The following ZCCHC24 variants were observed in gnomAD, a reference collection of about 807,000 sequenced individuals.
ZCCHC24 encodes zinc finger CCHC domain-containing protein 24.
A neutral mutation model predicts 26.2 loss-of-function variants in ZCCHC24; 10 were observed. The ratio of observed to expected loss-of-function variants is 0.38; its 90% confidence interval spans 0.24 to 0.65. The LOEUF is 0.65. ZCCHC24 is among the 30% of genes least tolerant of loss of function. The probability of loss-of-function intolerance (pLI) is 0.54; values close to 1 mark genes in which losing one functional copy is unlikely to be tolerated. For synonymous variants in ZCCHC24, 144 were observed against 147.1 expected (o/e 0.98, Z 0.15); for missense variants, 243 against 329.1 (o/e 0.74, Z 2.03).
chr10:79,389,560 G>GTGTGTGTGTC (rs946133340), intron 3 of ZCCHC24, among the ~76,000 whole-genome samples: 2 of 151,790 alleles, frequency 1.3e-5, no homozygotes, highest in East Asian at 1.9e-4. Context: ...GTGTGTGTGT[G>GTGTGTGTGTC]TGTGTGTCTG....
At chr10:79,423,607 A>ATATATATATATATATATT (rs1856984665) in intron 2 of ZCCHC24, among the ~76,000 whole-genome samples, 4 of 140,382 alleles carry the variant, frequency 2.8e-5, no homozygotes, top group African/African-American at 1.1e-4. Flanking sequence ...ATATATATAT[A>ATATATATATATATATATT]TATTTTCTGA....
chr10:79,408,469 A>G (rs141486882), intron 2 of ZCCHC24, among the ~76,000 whole-genome samples: 1 of 152,294 alleles, frequency 6.6e-6, no homozygotes, highest in Non-Finnish European at 1.5e-5. Context: ...AGCACCAATC[A>G]CCACGTGCAT....
intron 1 of ZCCHC24, 60 bp from the exon 2 acceptor site, chr10:79,432,818 C>T: frequency 6.5e-7 from 1 of 1,544,204 alleles, no homozygotes; most frequent in African/African-American, 1.4e-5. Context: ...TCCATAACCC[C>T]CCACCCAAAC....
At position 79,417,354 on chromosome 10, in the gene ZCCHC24, C is replaced by G. The variant is rs569686983; in HGVS notation, c.447+15204G>C. Among the ~76,000 whole-genome samples the G allele has an allele frequency of 2.5e-5, 2 of 79,276 alleles. 1 individual carries two copies. Among genetic ancestry groups the G allele is most frequent in the African/African-American group, 7.0e-5 (2 of 28,392 alleles). 52.0% of individuals were successfully genotyped at this position (79,276 alleles called of 152,430 possible). A position where few individuals can be genotyped will look rare whatever the true frequency, so the allele number is the denominator to read the frequency against. On this transcript the variant is annotated intron_variant, in intron 2 of 3. Transcript: ENST00000372336. The stretch of plus-strand genomic sequence containing the variant: ...ATCACCCCAACCTGTCAGGGAGAGA[C>G]CTGTGGCTCCCACACAGCCAGGGAA...
rs537216431 is a variant in ZCCHC24, at chr10:79,388,119, T to C, written c.613-1661A>G. Among the ~76,000 whole-genome samples, 5 of 152,332 alleles carry C rather than the reference T, an allele frequency of 3.3e-5. No individual in the cohort carries two copies. The East Asian group carries it at 9.6e-4, about 29-fold the overall frequency. Reference sequence around the variant, plus strand: ...GACCTTGGGCAGGCCACCTGTCCCCTCTGGTCTCCATGCTCCCATCTGTGA... The same window carrying C: ...GACCTTGGGCAGGCCACCTGTCCCCCCTGGTCTCCATGCTCCCATCTGTGA... On this transcript the variant is annotated intron_variant, in intron 3 of 3. Transcript: ENST00000372336.
Position 79,402,465 on chromosome 10 carries a change from C to A in ZCCHC24, c.448-8025G>T, listed in dbSNP as rs186374567. 1.8e-4 allele frequency among the ~76,000 whole-genome samples: 28 copies of A among 152,144 alleles called. No homozygotes were observed. The East Asian group carries it at 5.0e-3, about 27-fold the overall frequency. On this transcript the variant is annotated intron_variant, in intron 2 of 3. Coordinates refer to ENST00000372336, the MANE Select transcript of ZCCHC24 (RefSeq NM_153367.4). ...TAATTTTTTGTATTTTTAGTAGAGA[C>A]GGGGTTTCACTGTGTTAGCCAGGAT...
intron 2 of ZCCHC24, 126 bp from the exon 3 acceptor site, chr10:79,394,566 C>A: frequency 6.8e-7 from 1 of 1,464,758 alleles, no homozygotes; most frequent in East Asian, 2.4e-5. Context: ...CCTTTTGTCC[C>A]CAGTCTAGAT....
At chr10:79,441,507 A>C (rs1445315451) in intron 1 of ZCCHC24, among the ~76,000 whole-genome samples, 1 of 152,052 alleles carries the variant, frequency 6.6e-6, no homozygotes, top group Non-Finnish European at 1.5e-5. Context: ...TAAAGGTTGG[A>C]ACTATCCAAC....
intron 1 of ZCCHC24, among the ~76,000 whole-genome samples, chr10:79,435,587 A>G (rs1857204922): frequency 6.6e-6 from 1 of 152,230 alleles, no homozygotes; most frequent in African/African-American, 2.4e-5. Flanking sequence ...CCAGGGAATT[A>G]GGGCCCATCC....
intron 3 of ZCCHC24, among the ~76,000 whole-genome samples, chr10:79,393,062 T>C (rs1282956553): frequency 1.3e-5 from 2 of 152,142 alleles, no homozygotes; most frequent in African/African-American, 4.8e-5. Flanking sequence ...GTCTTCCTCC[T>C]CTATCTGACC....
chr10:79,394,689 C>T lies in ZCCHC24; in HGVS notation c.448-249G>A, dbSNP rs1284661320. ...ACAGAGGAGATGGCGCACGTCTCTT[C>T]TAGATTTAAGGGGTAAAGTACTCAA... On this transcript the variant is annotated intron_variant, in intron 2 of 3. Coordinates refer to ENST00000372336, the MANE Select transcript of ZCCHC24 (RefSeq NM_153367.4). The T allele has an allele frequency of 5.2e-6, 5 of 966,906 alleles. No individual in the cohort carries two copies. In the African/African-American group the frequency reaches 7.0e-5, roughly 14 times the overall value. 59.9% of individuals were successfully genotyped at this position (966,906 alleles called of 1,614,324 possible). A position where few individuals can be genotyped will look rare whatever the true frequency, so the allele number is the denominator to read the frequency against.
chr10:79,444,654 A>T (rs566996518), intron 1 of ZCCHC24, among the ~76,000 whole-genome samples: 2 of 152,322 alleles, frequency 1.3e-5, no homozygotes, highest in African/African-American at 4.8e-5. Flanking sequence ...TGAGAACAGC[A>T]GGAGAAGCCC....
intron 3 of ZCCHC24, among the ~76,000 whole-genome samples, chr10:79,392,158 G>A (rs890928902): frequency 6.6e-6 from 1 of 152,034 alleles, no homozygotes; most frequent in Non-Finnish European, 1.5e-5. Context: ...GCCCTCTGGA[G>A]TGCTCGCCCA....
At chr10:79,394,071 C>T (rs1306927104) in intron 3 of ZCCHC24, among the ~76,000 whole-genome samples, 1 of 152,226 alleles carries the variant, frequency 6.6e-6, no homozygotes. Context: ...TTTACAATTC[C>T]CCGGGGTTCT....
intron 2 of ZCCHC24, among the ~76,000 whole-genome samples, chr10:79,397,562 T>A (rs1200106860): frequency 2.6e-5 from 4 of 152,142 alleles, no homozygotes; most frequent in Non-Finnish European, 4.4e-5. Context: ...AAGCACTGGA[T>A]GAACTCACTC....
chr10:79,391,870 C>A lies in ZCCHC24; in HGVS notation c.612+2406G>T, dbSNP rs1443655566. Among the ~76,000 whole-genome samples, 4 of 151,442 alleles carry A rather than the reference C, an allele frequency of 2.6e-5. No homozygotes were observed. The East Asian group carries it at 7.9e-4, about 30-fold the overall frequency. ...ACTCAGTACACATGGATGGCCCATCCCACCCCTGGCTCCTCCATCCCCCAC... is the reference window on the plus strand; with the variant it reads ...ACTCAGTACACATGGATGGCCCATCACACCCCTGGCTCCTCCATCCCCCAC... On this transcript the variant is annotated intron_variant, in intron 3 of 3. Transcript: ENST00000372336.
chr10:79,443,902 ACCC>A (rs1175787528), intron 1 of ZCCHC24, among the ~76,000 whole-genome samples: 1 of 152,182 alleles, frequency 6.6e-6, no homozygotes, highest in East Asian at 1.9e-4. Flanking sequence ...CGCCTGTTCT[ACCC>A]ACCCAGGTCA....
Position 79,445,238 on chromosome 10 carries a change from T to G in ZCCHC24, c.203A>C (p.His68Pro). 7.2e-7 allele frequency: 1 copy of G among 1,386,204 alleles called. No individual in the cohort carries two copies. Among genetic ancestry groups the G allele is most frequent in the African/African-American group, 1.5e-5 (1 of 66,294 alleles). The allele number at this position is 1,386,204 out of a possible 1,614,324, so 85.9% of individuals were successfully genotyped here. A position where few individuals can be genotyped will look rare whatever the true frequency, so the allele number is the denominator to read the frequency against. ...GAAGAAGCTGTTGAGATAGCTGGAGTGCAGGGGCGAGCCCAGCTGCTCGGG... is the reference window on the plus strand; with the variant it reads ...GAAGAAGCTGTTGAGATAGCTGGAGGGCAGGGGCGAGCCCAGCTGCTCGGG... ...GRPEQLGSPL[H>P]SSYLNSFFQL... The change falls in exon 1 of 4, where the codon CAC (histidine) becomes CCC (proline). Residue 68 changes from histidine (H) to proline (P), a missense_variant. Transcript: ENST00000372336.
chr10:79,443,193 C>T (rs1201873045), intron 1 of ZCCHC24, among the ~76,000 whole-genome samples: 2 of 152,162 alleles, frequency 1.3e-5, no homozygotes, highest in Non-Finnish European at 2.9e-5. Flanking sequence ...TCCTTTCACA[C>T]TGTGTGACTT....
Sources: gnomAD v4.1 joint callset for allele counts (sites outside exome capture counted in the v4.1 genomes callset) on GRCh38, gnomAD v4.1.1 for gene constraint, MANE v1.5 for transcripts, NCBI Gene and HGNC (gene_info 2026-07-23, HGNC 2026-07-21) for gene names.